PTPRA: variants seen among roughly 807,000 people sequenced by gnomAD.
The protein encoded by PTPRA is protein tyrosine phosphatase receptor type A, also known as receptor-type tyrosine-protein phosphatase alpha.
A neutral mutation model predicts 104.8 loss-of-function variants in PTPRA; 25 were observed. That is an observed-to-expected ratio of 0.24 (90% CI 0.17 to 0.33). PTPRA has a LOEUF of 0.33. Ranked by LOEUF, PTPRA falls within the 10% of genes least tolerant of loss-of-function variation. The pLI is 1.00. For synonymous variants in PTPRA, 323 were observed against 368.9 expected, an observed-to-expected ratio of 0.88 and a Z score of 1.43; for missense variants, 765 against 1,015.3, an observed-to-expected ratio of 0.75 and a Z score of 3.35.
chr20:2,866,613 C>G, the PTPRA span: 4 of 1,609,308 alleles, frequency 2.5e-6, no homozygotes, highest in African/African-American at 2.7e-5. Context: ...GGGTTCCTCC[C>G]CTAGCACCTG....
At chr20:2,881,764 G>C (rs111984668) in intron 1 of PTPRA, among the ~76,000 whole-genome samples, 84 of 152,174 alleles carry the variant, frequency 5.5e-4, no homozygotes, top group Non-Finnish European at 1.0e-3. Context: ...ACTTTGGGAG[G>C]CCGAAGTGGA....
intron 20 of PTPRA, among the ~76,000 whole-genome samples, chr20:3,034,057 G>T (rs748647749): frequency 8.5e-5 from 13 of 152,102 alleles, no homozygotes; most frequent in Non-Finnish European, 1.5e-4. Context: ...GATCACCTGA[G>T]GTCAAGAGTT....
At position 3,024,606 on chromosome 20, in the gene PTPRA, A is replaced by G; in HGVS notation, c.1599A>G (p.Leu533=). The change falls in exon 17 of 24, where the codon TTA becomes TTG. Residue 533 remains leucine, a synonymous_variant. Coordinates refer to ENST00000399903, the MANE Select transcript of PTPRA (RefSeq NM_001385305.1). ...TCCCAGGGACCAGCAACAATGGATT[A>G]GAGGAGGAGTTTAAGGTGAGTTGGA... The part of the protein sequence containing the change: ...NKIPGTSNNG[L]EEEFKKLTSI... 6.2e-7 allele frequency: 1 copy of G among 1,614,206 alleles called. No homozygotes were observed. Among genetic ancestry groups the G allele is most frequent in the Non-Finnish European group, 8.5e-7 (1 of 1,180,044 alleles).
At chr20:3,023,487 T>C (rs1323738453) in intron 16 of PTPRA, among the ~76,000 whole-genome samples, 2 of 152,250 alleles carry the variant, frequency 1.3e-5, no homozygotes, top group East Asian at 3.8e-4. Context: ...AACCGCCTTA[T>C]GGCTGGAGGT....
chr20:3,036,903 G>C (rs1036800939), intron 22 of PTPRA, among the ~76,000 whole-genome samples: 4 of 152,224 alleles, frequency 2.6e-5, no homozygotes, highest in Non-Finnish European at 2.9e-5. Flanking sequence ...ATGGCTCTGT[G>C]CTGGTGGGGT....
At chr20:2,885,401 A>T (rs1193006738) in intron 1 of PTPRA, among the ~76,000 whole-genome samples, 1 of 152,210 alleles carries the variant, frequency 6.6e-6, no homozygotes, top group Non-Finnish European at 1.5e-5. Flanking sequence ...GTTTCTAAAA[A>T]CATTTCCAGA....
rs575426420 is a variant in PTPRA, at chr20:2,909,589, C to A, written c.-128-13618C>A. Among the ~76,000 whole-genome samples the A allele has an allele frequency of 4.3e-4, 65 of 151,314 alleles. No homozygotes were observed. The South Asian group carries it at 0.013, about 30-fold the overall frequency. ...AGTGAGACTCCATCTCCAAAAAAAA[C>A]CAAAACAAAACAAACGAAAACTACA... On this transcript the variant is annotated intron_variant, in intron 1 of 23. Coordinates refer to ENST00000399903, the MANE Select transcript of PTPRA (RefSeq NM_001385305.1).
At chr20:2,917,178 A>G (rs2059933956) in intron 1 of PTPRA, among the ~76,000 whole-genome samples, 2 of 151,942 alleles carry the variant, frequency 1.3e-5, no homozygotes, top group Admixed American at 1.3e-4. Context: ...GCTGGTCTCG[A>G]ACTCCTGACC....
intron 6 of PTPRA, among the ~76,000 whole-genome samples, chr20:2,979,884 T>A (rs935387843): frequency 7.9e-5 from 12 of 151,464 alleles, no homozygotes; most frequent in African/African-American, 2.9e-4. Context: ...CTCCTAATCA[T>A]GTTGGTGTTT....
intron 2 of PTPRA, among the ~76,000 whole-genome samples, chr20:2,944,038 TC>T (rs1227635063): frequency 6.0e-5 from 9 of 149,146 alleles, no homozygotes; most frequent in Non-Finnish European, 1.0e-4. Context: ...CCTCTACTGG[TC>T]TTTTTTTTTT....
chr20:2,892,884 T>C (rs2058855288), intron 1 of PTPRA, among the ~76,000 whole-genome samples: 1 of 152,206 alleles, frequency 6.6e-6, no homozygotes, highest in Admixed American at 6.5e-5. Context: ...TATTTTCTGC[T>C]TTAGATAGGC....
At chr20:2,948,067 G>A (rs2061204807) in intron 3 of PTPRA, 43 bp downstream of exon 3, 1 of 938,342 alleles carries the variant, frequency 1.1e-6, no homozygotes, top group Non-Finnish European at 1.5e-6. Flanking sequence ...TACAAGAATA[G>A]AGGAAGAAAG....
At chr20:2,866,166 G>C in the PTPRA span, 7 of 1,560,648 alleles carry the variant, frequency 4.5e-6, no homozygotes, top group East Asian at 9.0e-5. Flanking sequence ...GAGGACAGGA[G>C]GGCTGTGCAT....
chr20:2,998,957 A>G (rs1352785365), intron 9 of PTPRA, among the ~76,000 whole-genome samples: 1 of 135,032 alleles, frequency 7.4e-6, no homozygotes, highest in Non-Finnish European at 1.5e-5. Flanking sequence ...TTTATAATTA[A>G]TAAATATGAC....
intron 16 of PTPRA, 132 bp from the exon 17 acceptor site, chr20:3,024,340 A>G (rs957306936): frequency 4.5e-5 from 44 of 973,544 alleles, no homozygotes; most frequent in Non-Finnish European, 6.1e-5. Context: ...TGGGATAATA[A>G]GAGGGAGTCC....
At chr20:2,865,551 A>G in the PTPRA span, 1 of 1,504,066 alleles carries the variant, frequency 6.6e-7, no homozygotes, top group Non-Finnish European at 9.1e-7. The surrounding 1 kb of genome is among the most constrained non-coding windows in gnomAD (Gnocchi z 5.2). Flanking sequence ...TTCGGGAGAG[A>G]GGGCTAGGCA....
chr20:3,011,736 T>C (rs1010467567), intron 11 of PTPRA, among the ~76,000 whole-genome samples: 4 of 152,202 alleles, frequency 2.6e-5, no homozygotes, highest in African/African-American at 7.2e-5. Flanking sequence ...GAGTGTACTT[T>C]TCATCCACTC....
chr20:2,993,079 G>A (rs1401927560), intron 9 of PTPRA, among the ~76,000 whole-genome samples: 1 of 151,284 alleles, frequency 6.6e-6, no homozygotes, highest in Non-Finnish European at 1.5e-5. Flanking sequence ...GCAAGATCTT[G>A]TCTCTATGTA....
At chr20:2,865,301 C>T in the PTPRA span, 21 of 1,614,012 alleles carry the variant, frequency 1.3e-5, no homozygotes, top group Admixed American at 3.3e-5. The surrounding 1 kb of genome is among the most constrained non-coding windows in gnomAD (Gnocchi z 5.2). Flanking sequence ...ACGTGACTTC[C>T]GCATCCCTGA....
Sources: gnomAD v4.1 joint callset for allele counts (sites outside exome capture counted in the v4.1 genomes callset) on GRCh38, gnomAD v4.1.1 for gene constraint, Gnocchi (gnomAD v3.1) non-coding constraint, MANE v1.5 for transcripts, NCBI Gene and HGNC (gene_info 2026-07-23, HGNC 2026-07-21) for gene names.